Variants in NBAS observed in about 807,000 individuals in gnomAD.
The protein encoded by NBAS is NAG/BC035112 fusion.
A neutral mutation model predicts 302.5 loss-of-function variants in NBAS; 219 were observed. That is an observed-to-expected ratio of 0.72 (90% confidence interval 0.65 to 0.81). The LOEUF is 0.81. Among genes scored for constraint, NBAS ranks in the 30% least tolerant of loss-of-function variants. NBAS has a pLI of 0.00. For missense variants in NBAS, 2,932 were observed against 2,841.6 expected (o/e 1.03, Z -0.72); for synonymous variants, 1,118 against 1,021.6 (o/e 1.09, Z -1.80).
intron 32 of NBAS, among the ~76,000 whole-genome samples, chr2:15,360,397 T>A (rs1425394582): frequency 6.7e-6 from 1 of 149,510 alleles, no homozygotes; most frequent in Admixed American, 6.7e-5. Context: ...TGTAATGGCA[T>A]GATCAATATT....
the NBAS span, among the ~76,000 whole-genome samples, chr2:15,148,423 A>G: frequency 6.6e-6 from 1 of 152,178 alleles, no homozygotes; most frequent in Non-Finnish European, 1.5e-5. Flanking sequence ...GATGTCAAGA[A>G]AAGCTTCCGG....
chr2:14,906,975 A>G, the NBAS span, among the ~76,000 whole-genome samples: 1 of 152,094 alleles, frequency 6.6e-6, no homozygotes, highest in Admixed American at 6.5e-5. Flanking sequence ...GAATCCCTCA[A>G]GCAGAGGCTA....
chr2:14,881,224 G>A, the NBAS span, among the ~76,000 whole-genome samples: 1 of 152,074 alleles, frequency 6.6e-6, no homozygotes, highest in African/African-American at 2.4e-5. Flanking sequence ...ACATATCTAT[G>A]GCGGCCATTA....
the NBAS span, among the ~76,000 whole-genome samples, chr2:14,874,557 G>A: frequency 3.3e-5 from 5 of 150,958 alleles, no homozygotes; most frequent in South Asian, 2.1e-4. Context: ...GGAGAATGGC[G>A]TGAATCCGGG....
chr2:15,294,756 AG>A (rs1433307798), intron 40 of NBAS, among the ~76,000 whole-genome samples: 2 of 152,204 alleles, frequency 1.3e-5, no homozygotes, highest in Non-Finnish European at 1.5e-5. Context: ...TTAGGGTGGC[AG>A]GAGAGCTCTT....
chr2:15,002,139 C>G, the NBAS span, among the ~76,000 whole-genome samples: 1 of 152,006 alleles, frequency 6.6e-6, no homozygotes, highest in Non-Finnish European at 1.5e-5. Flanking sequence ...AAGTCCCCAC[C>G]AGAGTAGCTA....
At chr2:15,528,878 A>AATATATATATATATATATATGTGTGT (rs1663070161) in intron 9 of NBAS, among the ~76,000 whole-genome samples, 6 of 121,546 alleles carry the variant, frequency 4.9e-5, no homozygotes, top group African/African-American at 1.8e-4. Flanking sequence ...AAAAAAAAAA[A>AATATATATATATATATATATGTGTGT]ATATATATAT....
chr2:15,506,253 G>GA (rs1178807126), intron 10 of NBAS, among the ~76,000 whole-genome samples: 6 of 151,322 alleles, frequency 4.0e-5, no homozygotes, highest in Non-Finnish European at 8.8e-5. Context: ...ACAGAAAATG[G>GA]AAAAAATAGA....
chr2:14,886,555 CT>C, the NBAS span: 2 of 152,066 alleles, frequency 1.3e-5, no homozygotes, highest in Non-Finnish European at 2.9e-5. Context: ...TAAATTGTAC[CT>C]AGTATAGGCC....
the NBAS span, among the ~76,000 whole-genome samples, chr2:14,809,153 G>A: frequency 3.9e-5 from 6 of 152,198 alleles, no homozygotes; most frequent in East Asian, 7.7e-4. Context: ...CAATGCAATA[G>A]AAAACAAAAT....
chr2:15,368,409 A>G (rs897637506), intron 31 of NBAS, among the ~76,000 whole-genome samples: 3 of 152,016 alleles, frequency 2.0e-5, no homozygotes, highest in South Asian at 4.2e-4. Flanking sequence ...CACATTGGCC[A>G]GGCTAGTCTA....
At chr2:15,034,846 T>C in the NBAS span, among the ~76,000 whole-genome samples, 6 of 152,138 alleles carry the variant, frequency 3.9e-5, no homozygotes, top group African/African-American at 4.8e-5. Flanking sequence ...TATCAATAAT[T>C]TTTGACTGTT....
intron 35 of NBAS, among the ~76,000 whole-genome samples, chr2:15,351,051 T>C (rs927576412): frequency 6.6e-6 from 1 of 152,216 alleles, no homozygotes; most frequent in Non-Finnish European, 1.5e-5. Context: ...GACAGTCACA[T>C]TATTTTTAGT....
At chr2:15,323,135 C>T (rs1440108881) in intron 38 of NBAS, among the ~76,000 whole-genome samples, 2 of 152,164 alleles carry the variant, frequency 1.3e-5, no homozygotes, top group Admixed American at 6.5e-5. Context: ...GACAAAAAGT[C>T]ACTGCAAGCC....
In NBAS at chr2:15,356,398, C is replaced by A. The variant is rs1477100207; in HGVS notation, c.3836G>T (p.Arg1279Met). 6.2e-7 allele frequency: 1 copy of A among 1,613,704 alleles called. No individual in the cohort carries two copies. Among genetic ancestry groups the A allele is most frequent in the Non-Finnish European group, 8.5e-7 (1 of 1,179,782 alleles). ...LRVAGENPEERRGQVLILLVE... is the reference protein window; with the variant it reads ...LRVAGENPEEMRGQVLILLVE... ...TAAAAGGATTAGAACCTGTCCCCGC[C>A]TTTCTTCTGGGTTCTCACCTGTAAG... Residue 1279 changes from arginine (R) to methionine (M), a missense_variant, in exon 33 of 52, where the codon AGG (arginine) becomes ATG (methionine). Transcript: ENST00000281513.
At chr2:15,343,731 G>A (rs1403224972) in intron 35 of NBAS, among the ~76,000 whole-genome samples, 3 of 151,746 alleles carry the variant, frequency 2.0e-5, no homozygotes, top group Non-Finnish European at 4.4e-5. Context: ...ATAAATAAAT[G>A]TAAGCACTAA....
intron 44 of NBAS, among the ~76,000 whole-genome samples, chr2:15,243,961 G>A (rs979974528): frequency 2.6e-5 from 4 of 152,128 alleles, no homozygotes; most frequent in African/African-American, 9.7e-5. Context: ...AAACAAGGGC[G>A]TGACACTCCG....
intron 47 of NBAS, among the ~76,000 whole-genome samples, chr2:15,219,626 G>A (rs1321038905): frequency 3.6e-5 from 5 of 137,106 alleles, no homozygotes; most frequent in Admixed American, 7.6e-5. Flanking sequence ...TGTTTCAGAG[G>A]GCACAGGGTT....
At chr2:15,013,809 A>T in the NBAS span, among the ~76,000 whole-genome samples, 3 of 152,052 alleles carry the variant, frequency 2.0e-5, no homozygotes, top group Non-Finnish European at 2.9e-5. Flanking sequence ...TAATTAAAAT[A>T]AAAATAAAAG....
Sources: gnomAD v4.1 joint callset for allele counts (sites outside exome capture counted in the v4.1 genomes callset) on GRCh38, gnomAD v4.1.1 for gene constraint, MANE v1.5 for transcripts, NCBI Gene and HGNC (gene_info 2026-07-23, HGNC 2026-07-21) for gene names.